Variants in CLSTN2 observed in about 807,000 individuals in gnomAD.
CLSTN2 encodes the protein calsyntenin 2.
In CLSTN2, 48 loss-of-function variants were observed where a neutral mutation model predicts 101.2. The observed-to-expected ratio is 0.47, with a 90% CI of 0.38 to 0.60. The LOEUF is 0.60. Among genes scored for constraint, CLSTN2 ranks in the 20% least tolerant of loss-of-function variants. The pLI is 0.00. For synonymous variants in CLSTN2, 481 were observed against 463.6 expected (o/e 1.04, Z -0.48); for missense variants, 1,160 against 1,238.2 (o/e 0.94, Z 0.95).
intron 1 of CLSTN2, among the ~76,000 whole-genome samples, chr3:139,959,659 T>C (rs1935469355): frequency 6.6e-6 from 1 of 152,132 alleles, no homozygotes; most frequent in African/African-American, 2.4e-5. Flanking sequence ...CCCACTCTCC[T>C]TGCCAGTCAT....
intron 2 of CLSTN2, among the ~76,000 whole-genome samples, chr3:140,233,631 A>C (rs536853839): frequency 6.6e-6 from 1 of 152,358 alleles, no homozygotes; most frequent in East Asian, 1.9e-4. Context: ...TTAATGGGCC[A>C]AGTTTTCCCT....
intron 2 of CLSTN2, among the ~76,000 whole-genome samples, chr3:140,300,471 C>A (rs775210813): frequency 1.3e-5 from 2 of 152,126 alleles, no homozygotes; most frequent in Non-Finnish European, 2.9e-5. Context: ...CCAGCCCTGC[C>A]TCAGAGAGTT....
chr3:140,374,862 G>A lies in CLSTN2; in HGVS notation c.233-28767G>A, dbSNP rs117439047. Among the ~76,000 whole-genome samples the A allele has an allele frequency of 1.6e-4, 24 of 152,234 alleles. No individual in the cohort carries two copies. In the East Asian group the frequency reaches 4.1e-3, roughly 26 times the overall value. ...TTATCAGCAGACCCTTTTTAGCACC[G>A]TGGTAAGGTTTGAGAGAAGGAAGTT... On this transcript the variant is annotated intron_variant, in intron 2 of 16. Coordinates refer to ENST00000458420, the MANE Select transcript of CLSTN2 (RefSeq NM_022131.3).
intron 1 of CLSTN2, among the ~76,000 whole-genome samples, chr3:140,172,533 T>A (rs541511333): frequency 6.6e-6 from 1 of 152,336 alleles, no homozygotes; most frequent in East Asian, 1.9e-4. Context: ...CCTGCTGATA[T>A]AAGTATACTG....
intron 1 of CLSTN2, among the ~76,000 whole-genome samples, chr3:140,042,845 A>T (rs1378715752): frequency 6.6e-6 from 1 of 152,194 alleles, no homozygotes; most frequent in Non-Finnish European, 1.5e-5. Context: ...CCTATAAAAG[A>T]CATGAACTCA....
intron 8 of CLSTN2, among the ~76,000 whole-genome samples, chr3:140,505,072 C>CTTTTTT (rs11414136): frequency 6.7e-6 from 1 of 149,936 alleles, no homozygotes. Context: ...AAGAAAGTAT[C>CTTTTTT]TTTTTTTTTT....
intron 2 of CLSTN2, among the ~76,000 whole-genome samples, chr3:140,182,036 C>G (rs755720200): frequency 6.6e-6 from 1 of 152,178 alleles, no homozygotes; most frequent in Non-Finnish European, 1.5e-5. Context: ...AATTCTCTTT[C>G]TGATCATGTC....
rs1260412900 is a variant in CLSTN2 at position 140,022,128 on chromosome 3, G to A, written c.109+86645G>A. On this transcript the variant is annotated intron_variant, in intron 1 of 16. Transcript: ENST00000458420. The stretch of plus-strand genomic sequence containing the variant: ...GGGAATGGGGAGTGGCCTTGGCTGG[G>A]GGCAGCCTGGTTGCCCCAGAGGGCT... 2.0e-5 allele frequency among the ~76,000 whole-genome samples: 3 copies of A among 152,188 alleles called. No homozygotes were observed. The East Asian group carries it at 5.8e-4, about 29-fold the overall frequency.
In CLSTN2 at chr3:140,486,000, A is replaced by G. The variant is rs1443530230; in HGVS notation, c.1344+19269A>G. On this transcript the variant is annotated intron_variant, in intron 8 of 16. Coordinates refer to ENST00000458420, the MANE Select transcript of CLSTN2 (RefSeq NM_022131.3). ...CCCAGTGAGATGAACTCGGTACCTC[A>G]GTTGGAAATGCAGAAATCACCCATC... 2.0e-5 allele frequency among the ~76,000 whole-genome samples: 3 copies of G among 152,104 alleles called. No homozygotes were observed. In the East Asian group the frequency reaches 5.8e-4, roughly 30 times the overall value.
At chr3:140,156,620 A>T (rs2009958016) in intron 1 of CLSTN2, among the ~76,000 whole-genome samples, 1 of 152,126 alleles carries the variant, frequency 6.6e-6, no homozygotes, top group Non-Finnish European at 1.5e-5. Context: ...CCAGTGACTG[A>T]GTGTGGGGAT....
At chr3:140,044,451 G>A (rs914155954) in intron 1 of CLSTN2, among the ~76,000 whole-genome samples, 12 of 152,268 alleles carry the variant, frequency 7.9e-5, no homozygotes, top group Admixed American at 2.0e-4. Context: ...GCGTTTTCTA[G>A]ATATACAATC....
chr3:140,400,657 C>T (rs2088231128), intron 2 of CLSTN2, among the ~76,000 whole-genome samples: 1 of 152,056 alleles, frequency 6.6e-6, no homozygotes, highest in Non-Finnish European at 1.5e-5. Flanking sequence ...TATGATCACA[C>T]TACCGCATTC....
intron 1 of CLSTN2, among the ~76,000 whole-genome samples, chr3:140,015,371 TAGG>T (rs1440451991): frequency 6.6e-6 from 1 of 151,878 alleles, no homozygotes; most frequent in Non-Finnish European, 1.5e-5. Context: ...GATGATACAG[TAGG>T]AGAAGGAGGG....
intron 2 of CLSTN2, among the ~76,000 whole-genome samples, chr3:140,196,932 T>G (rs1387456707): frequency 2.0e-5 from 3 of 152,234 alleles, no homozygotes; most frequent in African/African-American, 7.2e-5. Flanking sequence ...CAATTCCACA[T>G]TTTTTATGAG....
At chr3:140,142,211 TC>T (rs2009712419) in intron 1 of CLSTN2, among the ~76,000 whole-genome samples, 2 of 152,202 alleles carry the variant, frequency 1.3e-5, no homozygotes, top group Admixed American at 6.5e-5. Flanking sequence ...TCATGTTGCT[TC>T]CTTCGTATTG....
At chr3:140,478,184 ATG>A (rs1934028946) in intron 8 of CLSTN2, among the ~76,000 whole-genome samples, 1 of 152,194 alleles carries the variant, frequency 6.6e-6, no homozygotes, top group African/African-American at 2.4e-5. Flanking sequence ...TAACACAAAT[ATG>A]TGTTTAATGA....
chr3:139,952,166 A>G (rs1935306162), intron 1 of CLSTN2, among the ~76,000 whole-genome samples: 1 of 152,204 alleles, frequency 6.6e-6, no homozygotes, highest in South Asian at 2.1e-4. Context: ...GAGTTTATAA[A>G]AATTTCAGCC....
chr3:140,108,212 C>CA (rs1278296095), intron 1 of CLSTN2, among the ~76,000 whole-genome samples: 1 of 152,188 alleles, frequency 6.6e-6, no homozygotes, highest in Non-Finnish European at 1.5e-5. Context: ...TGACACTGAC[C>CA]ATTTCCAACC....
At chr3:140,201,943 AGAT>A (rs1454036135) in intron 2 of CLSTN2, among the ~76,000 whole-genome samples, 1 of 152,168 alleles carries the variant, frequency 6.6e-6, no homozygotes, top group East Asian at 1.9e-4. Context: ...TTGACTGTGA[AGAT>A]GATATTGAGC....
Sources: allele counts gnomAD v4.1 joint callset (sites outside exome capture counted in the v4.1 genomes callset), GRCh38; gene constraint gnomAD v4.1.1; transcripts MANE v1.5; gene names NCBI Gene and HGNC (gene_info 2026-07-23, HGNC 2026-07-21).